KIAA1210: variants seen among roughly 807,000 people sequenced by gnomAD.
The protein encoded by KIAA1210 is acrosomal protein KIAA1210.
Under a neutral mutation model 78.9 loss-of-function variants are expected in KIAA1210, and 48 were observed. That is an observed-to-expected ratio of 0.61 (90% CI 0.48 to 0.77). KIAA1210 has a LOEUF of 0.77. Among genes scored for constraint, KIAA1210 ranks in the 30% least tolerant of loss-of-function variants. The pLI is 0.00. For missense variants in KIAA1210, 1,108 were observed against 1,100.0 expected (o/e 1.01, Z -0.10); for synonymous variants, 406 against 404.5 (o/e 1.00, Z -0.04).
intron 6 of KIAA1210, among the ~76,000 whole-genome samples, chrX:119,101,908 T>C (rs945539487): frequency 3.6e-5 from 4 of 112,594 alleles, no homozygotes; most frequent in Admixed American, 9.4e-5. Flanking sequence ...TCAGTTTTCA[T>C]GTCTGTAAAA....
intron 6 of KIAA1210, among the ~76,000 whole-genome samples, chrX:119,098,936 C>T (rs1271582311): frequency 8.9e-6 from 1 of 111,988 alleles, no homozygotes; most frequent in Non-Finnish European, 1.9e-5. Context: ...GACTTGATTA[C>T]GTTAAAGGCT....
chrX:119,143,571 C>T (rs981018576), intron 2 of KIAA1210, among the ~76,000 whole-genome samples: 1 of 112,376 alleles, frequency 8.9e-6, no homozygotes, highest in Admixed American at 9.4e-5. Context: ...CTTTTGGACA[C>T]TGTAGTGGCA....
chrX:119,132,186 G>A (rs1031149461), upstream of KIAA1210, among the ~76,000 whole-genome samples: 2 of 112,353 alleles, frequency 1.8e-5, no homozygotes, highest in African/African-American at 3.2e-5. Context: ...CCCTGACGGC[G>A]ATTGAGCCTT....
intron 7 of KIAA1210, among the ~76,000 whole-genome samples, chrX:119,094,328 G>C (rs1331458733): frequency 8.9e-6 from 1 of 111,866 alleles, no homozygotes; most frequent in East Asian, 2.8e-4. Context: ...ACACTGGATG[G>C]GCTGAAGTTG....
intron 2 of KIAA1210, among the ~76,000 whole-genome samples, chrX:119,133,451 T>C (rs1928841134): frequency 1.8e-5 from 2 of 111,293 alleles, no homozygotes; most frequent in Non-Finnish European, 3.8e-5. Flanking sequence ...CCACCCAGGA[T>C]ACAACTACGT....
In KIAA1210 at chrX:119,078,735, CT is replaced by C. The variant is rs1350970277; in HGVS notation, c.*2593del. 1.8e-5 allele frequency: 2 copies of C among 112,933 alleles called. No individual in the cohort carries two copies. Among genetic ancestry groups the C allele is most frequent in the Admixed American group, 1.9e-4 (2 of 10,723 alleles). The allele number at this position is 112,933 out of a possible 1,213,427, so 9.3% of individuals were successfully genotyped here. A position where few individuals can be genotyped will look rare whatever the true frequency, so the allele number is the denominator to read the frequency against. The stretch of plus-strand genomic sequence containing the variant: ...TATGCCTTTAGGCATTTAAAAAGAA[CT>C]TAATCTCTTCATTTAAAAACAGAAC... On this transcript the variant is annotated 3_prime_UTR_variant, in exon 12 of 12. Transcript: ENST00000691062.
At chrX:119,124,730 AT>A (rs1194951467) in intron 1 of KIAA1210, among the ~76,000 whole-genome samples, 2 of 110,869 alleles carry the variant, frequency 1.8e-5, no homozygotes, top group East Asian at 2.8e-4. Context: ...CTCTACAAAA[AT>A]TTTTTTTAAT....
At position 119,087,004 on chromosome X, in the gene KIAA1210, T is replaced by C; in HGVS notation, c.3698A>G (p.Lys1233Arg). 1.7e-6 allele frequency: 2 copies of C among 1,211,567 alleles called. No individual in the cohort carries two copies. Among genetic ancestry groups the C allele is most frequent in the Non-Finnish European group, 2.2e-6 (2 of 895,351 alleles). Residue 1233 changes from lysine (K) to arginine (R), a missense_variant, in exon 9 of 12, where the codon AAG (lysine) becomes AGG (arginine). By Grantham distance (26) the Lys-to-Arg change is conservative. Around this residue, in one of 5 missense-constraint regions of KIAA1210, gnomAD observed 245 missense variants for 278.8 expected, o/e 0.88. Transcript: ENST00000691062. ...GTTTTTGGAACCTTGGCTGAATTTC[T>C]TGGTTTTGATTGCAAAAGCTTCATC... is the stretch of plus-strand genomic sequence containing the variant. ...GRDEAFAIKTKKFSQGSKNPI... is the reference protein window; with the variant it reads ...GRDEAFAIKTRKFSQGSKNPI...
upstream of KIAA1210, among the ~76,000 whole-genome samples, chrX:119,128,214 A>T (rs957754695): frequency 8.9e-6 from 1 of 112,146 alleles, no homozygotes; most frequent in Non-Finnish European, 1.9e-5. Flanking sequence ...CCATATTATG[A>T]TTATTTCAAC....
chrX:119,138,576 G>T (rs1389715194), intron 2 of KIAA1210, among the ~76,000 whole-genome samples: 1 of 111,724 alleles, frequency 9.0e-6, no homozygotes, highest in African/African-American at 3.3e-5. Flanking sequence ...CTGACAGCTT[G>T]AGCACTGAGG....
intron 7 of KIAA1210, 80 bp from the exon 8 acceptor site, chrX:119,093,855 T>C: frequency 1.0e-6 from 1 of 981,144 alleles, no homozygotes; most frequent in Admixed American, 2.7e-5. Flanking sequence ...AGAAAAAGCA[T>C]CAGGAAAAAA....
intron 6 of KIAA1210, 122 bp downstream of exon 6, chrX:119,104,870 T>C (rs992844941): frequency 2.6e-5 from 16 of 614,133 alleles, no homozygotes; most frequent in Non-Finnish European, 3.9e-5. Context: ...AAGCCAAGAA[T>C]GTCAGGTCCT....
intron 8 of KIAA1210, among the ~76,000 whole-genome samples, chrX:119,091,383 C>T (rs999114921): frequency 7.1e-5 from 8 of 112,013 alleles, no homozygotes; most frequent in African/African-American, 2.6e-4. Context: ...TGAGTATCTA[C>T]CCAAAGGAAA....
At chrX:119,143,957 T>A (rs761277737) in intron 2 of KIAA1210, among the ~76,000 whole-genome samples, 58 of 112,599 alleles carry the variant, frequency 5.2e-4, no homozygotes, top group Non-Finnish European at 7.9e-4. Flanking sequence ...CAAAGCCCCA[T>A]GCACTTTCTA....
intron 3 of KIAA1210, among the ~76,000 whole-genome samples, chrX:119,115,609 T>C (rs989372774): frequency 1.8e-5 from 2 of 112,221 alleles, no homozygotes; most frequent in Non-Finnish European, 3.8e-5. Flanking sequence ...CAGTATAACA[T>C]GTCAGCTAAC....
Position 119,116,609 on chromosome X carries a change from T to C in KIAA1210, c.117A>G (p.Glu39=), listed in dbSNP as rs993572967. 3.3e-6 allele frequency: 4 copies of C among 1,207,852 alleles called. No individual in the cohort carries two copies. Among genetic ancestry groups the C allele is most frequent in the Non-Finnish European group, 4.5e-6 (4 of 892,684 alleles). ...CTTCCTGGGTATCTTCGGCTTCTTT[T>C]TCCTTCTTCTTAACAAAAAAGCTCT... The part of the protein sequence containing the change: ...ALKSFFVKKK[E]KEAEDTQEEE... The change falls in exon 3 of 12, where the codon GAA becomes GAG. Residue 39 remains glutamate (E), a synonymous_variant. Coordinates refer to ENST00000691062, the MANE Select transcript of KIAA1210 (RefSeq NM_001394962.1).
chrX:119,098,496 T>C (rs776698253), intron 6 of KIAA1210, among the ~76,000 whole-genome samples: 28 of 109,240 alleles, frequency 2.6e-4, no homozygotes, highest in Admixed American at 6.9e-4. Context: ...TCCCAGCTAC[T>C]TGGGAGGCTG....
Position 119,147,472 on chromosome X carries a change from C to A in KIAA1210, c.410+1G>T, listed in dbSNP as rs1929194145. ...CCTGTTGCAGAAGCTCTCAGCCTCA[C>A]TTTCCTGAATCCTGTTCTTGGAGTA... On this transcript the variant is annotated splice_donor_variant, in intron 2 of 13. Transcript: ENST00000402510. LOFTEE classifies it high-confidence loss of function. The A allele has an allele frequency of 8.3e-7, 1 of 1,209,805 alleles. No individual in the cohort carries two copies. Among genetic ancestry groups the A allele is most frequent in the Admixed American group, 2.2e-5 (1 of 45,762 alleles).
At chrX:119,082,160 T>A (rs1174829855) in intron 11 of KIAA1210, among the ~76,000 whole-genome samples, 2 of 112,056 alleles carry the variant, frequency 1.8e-5, no homozygotes, top group Non-Finnish European at 3.8e-5. Context: ...CCATGCCGTT[T>A]CCTGAAGCAA....
Sources: allele counts gnomAD v4.1 joint callset (sites outside exome capture counted in the v4.1 genomes callset), GRCh38; gene constraint gnomAD v4.1.1; regional missense constraint gnomAD v4.1.1; transcripts MANE v1.5; gene names NCBI Gene and HGNC (gene_info 2026-07-23, HGNC 2026-07-21).